The following MRC1 variants were observed in gnomAD, a reference collection of about 807,000 sequenced individuals.
MRC1 encodes the protein mannose receptor C-type 1.
MRC1 carries 62 observed loss-of-function variants against 102.9 expected under a neutral mutation model. The ratio of observed to expected loss-of-function variants is 0.60; its 90% confidence interval spans 0.49 to 0.74. MRC1 has a LOEUF of 0.74. MRC1 is among the 30% of genes least tolerant of loss of function. The pLI, the probability that MRC1 is intolerant of heterozygous loss-of-function variation, is 0.00. For missense variants in MRC1, 1,237 were observed against 862.8 expected (o/e 1.43, Z -5.43); for synonymous variants, 457 against 298.4 (o/e 1.53, Z -5.48).
chr10:17,908,504 G>C (rs1833926033), intron 28 of MRC1, among the ~76,000 whole-genome samples: 1 of 151,826 alleles, frequency 6.6e-6, no homozygotes, highest in Admixed American at 6.6e-5. Context: ...GGGTCTTTAG[G>C]CTTCTCTAAC....
chr10:17,855,432 G>A (rs1466186687), intron 8 of MRC1, among the ~76,000 whole-genome samples: 2 of 151,868 alleles, frequency 1.3e-5, no homozygotes, highest in Non-Finnish European at 2.9e-5. Flanking sequence ...TTAGCAGGGC[G>A]TGGTGGCAGG....
chr10:17,847,259 G>C (rs967200948), intron 6 of MRC1, among the ~76,000 whole-genome samples: 23 of 152,296 alleles, frequency 1.5e-4, no homozygotes, highest in Non-Finnish European at 8.8e-5. Flanking sequence ...CTCTGGTACA[G>C]CACTCAGAAT....
intron 22 of MRC1, among the ~76,000 whole-genome samples, chr10:17,891,189 T>C (rs1200574847): frequency 2.7e-5 from 4 of 148,894 alleles, no homozygotes; most frequent in Admixed American, 6.7e-5. Flanking sequence ...ATTTTTGAGA[T>C]GGAGTCTCAC....
At chr10:17,906,199 G>A (rs1833892603) in intron 26 of MRC1, among the ~76,000 whole-genome samples, 1 of 151,280 alleles carries the variant, frequency 6.6e-6, no homozygotes, top group Non-Finnish European at 1.5e-5. Flanking sequence ...ATGGGTTATT[G>A]CATCATTCAG....
At chr10:17,848,903 C>T (rs951819044) in intron 6 of MRC1, among the ~76,000 whole-genome samples, 4 of 152,082 alleles carry the variant, frequency 2.6e-5, no homozygotes, top group Non-Finnish European at 4.4e-5. Context: ...CGTTTGTCCC[C>T]CAGCCATTCC....
rs1288787238 is a variant in MRC1 at position 17,849,560 on chromosome 10, C to CT, written c.1064-19_1064-18insT. 2.4e-5 allele frequency: 15 copies of CT among 629,018 alleles called. No homozygotes were observed. Among genetic ancestry groups the CT allele is most frequent in the African/African-American group, 1.6e-4 (3 of 18,754 alleles). The allele number at this position is 629,018 out of a possible 1,614,324, so 39.0% of individuals were successfully genotyped here. A position where few individuals can be genotyped will look rare whatever the true frequency, so the allele number is the denominator to read the frequency against. On this transcript the variant is annotated intron_variant, in intron 6 of 29. Transcript: ENST00000569591. ...CAAATCTTTTAAAATTTTTTTCCGA[C>CT]CCCCCTTTTTGTTTCTAGAAAGTGA... is the stretch of plus-strand genomic sequence containing the variant.
intron 18 of MRC1, 33 bp from the exon 19 acceptor site, chr10:17,879,688 A>G (rs1833486836): frequency 2.6e-6 from 2 of 780,686 alleles, no homozygotes; most frequent in African/African-American, 1.7e-5. Flanking sequence ...TAATGATTGG[A>G]TCGTTTCAAA....
chr10:17,870,703 T>C, intron 13 of MRC1, 145 bp from the exon 14 acceptor site: 1 of 757,796 alleles, frequency 1.3e-6, no homozygotes, highest in Non-Finnish European at 2.4e-6. Flanking sequence ...ATTGCATAAG[T>C]CTTCTATTTA....
At chr10:17,907,512 A>G (rs1833911820) in intron 27 of MRC1, 22 bp from the exon 28 acceptor site, 6 of 780,528 alleles carry the variant, frequency 7.7e-6, no homozygotes, top group South Asian at 6.7e-5. Context: ...TTTTGTCTTT[A>G]TTGGTTTTAT....
At position 17,879,796 on chromosome 10, in the gene MRC1, CTG is replaced by C; in HGVS notation, c.2699_2700del (p.Val900AspfsTer11). 2 of 780,890 alleles carry C rather than the reference CTG, an allele frequency of 2.6e-6. No homozygotes were observed. Among genetic ancestry groups the C allele is most frequent in the South Asian group, 1.3e-5 (1 of 74,622 alleles). 48.4% of individuals were successfully genotyped at this position (780,890 alleles called of 1,614,324 possible). On this transcript the variant is annotated frameshift_variant, in exon 19 of 30. Transcript: ENST00000569591. LOFTEE classifies it high-confidence loss of function. Reference sequence around the variant, plus strand: ...CCAATTTTGCAAATGAAGATGAAAACTGTGTGACCATGTATTCAAATTCAGGT... The same window carrying C: ...CCAATTTTGCAAATGAAGATGAAAACTGTGACCATGTATTCAAATTCAGGT... ...EPNFANEDEN[C>X]VTMYSNSGFW...
chr10:17,843,847 T>C (rs1323301870), intron 5 of MRC1, among the ~76,000 whole-genome samples: 2 of 152,164 alleles, frequency 1.3e-5, no homozygotes, highest in Non-Finnish European at 1.5e-5. Flanking sequence ...GATTTCCGTC[T>C]TGCAGGAAAG....
rs1554839227 is a variant in MRC1, at chr10:17,833,680, G to A, written c.643G>A (p.Gly215Ser). The A allele has an allele frequency of 1.3e-6, 1 of 780,976 alleles. No individual in the cohort carries two copies. The highest frequency in any genetic ancestry group is 1.3e-5 in the South Asian group (1 of 74,610). 48.4% of individuals were successfully genotyped at this position (780,976 alleles called of 1,614,324 possible). Reference protein sequence around the residue: ...LFGYCPLKFEGSESLWNKDPL... With the variant: ...LFGYCPLKFESSESLWNKDPL... ...CCATCTGATTTCTTTCACAGTTGAGGGCAGTGAAAGCTTATGGAATAAAGA... is the reference window on the plus strand; with the variant it reads ...CCATCTGATTTCTTTCACAGTTGAGAGCAGTGAAAGCTTATGGAATAAAGA... Residue 215 changes from glycine (G) to serine (S), a missense_variant, in exon 4 of 30, where the codon GGC becomes AGC. Physicochemically the swap from Gly to Ser is moderately conservative, Grantham distance 56 (BLOSUM62 0). Transcript: ENST00000569591.
chr10:17,909,107 G>C (rs1833934905), intron 28 of MRC1, among the ~76,000 whole-genome samples, 199 bp from the exon 29 acceptor site: 1 of 152,100 alleles, frequency 6.6e-6, no homozygotes, highest in African/African-American at 2.4e-5. Flanking sequence ...ACAGATAGAT[G>C]ATAGGTAGGT....
chr10:17,866,338 G>A (rs892626924), intron 11 of MRC1, among the ~76,000 whole-genome samples: 66,290 of 141,734 alleles, frequency 0.47, 15,318 homozygotes, highest in East Asian at 0.61. Context: ...AACTATTTTT[G>A]CCATTATGGT....
At chr10:17,903,851 G>C (rs1287406042) in intron 26 of MRC1, among the ~76,000 whole-genome samples, 1 of 152,012 alleles carries the variant, frequency 6.6e-6, no homozygotes, top group African/African-American at 2.4e-5. Flanking sequence ...AGCTACTTGG[G>C]AAGCTGAAAC....
intron 14 of MRC1, among the ~76,000 whole-genome samples, chr10:17,871,320 G>A (rs1447763574): frequency 6.6e-6 from 1 of 152,154 alleles, no homozygotes; most frequent in East Asian, 1.9e-4. Flanking sequence ...AACTTTTCAA[G>A]GAACTTGAGT....
intron 23 of MRC1, among the ~76,000 whole-genome samples, chr10:17,894,915 G>A (rs1833734434): frequency 6.6e-6 from 1 of 152,112 alleles, no homozygotes; most frequent in East Asian, 1.9e-4. Flanking sequence ...GCTCATGCCT[G>A]TAATCCCAGC....
At chr10:17,877,605 A>G (rs977332087) in intron 17 of MRC1, among the ~76,000 whole-genome samples, 8 of 152,120 alleles carry the variant, frequency 5.3e-5, no homozygotes, top group Non-Finnish European at 7.4e-5. Flanking sequence ...CCATAATGTT[A>G]AATGCCTACA....
Position 17,849,707 on chromosome 10 carries a change from C to T in MRC1, c.1192C>T (p.Leu398Phe). The T allele has an allele frequency of 1.3e-6, 1 of 780,926 alleles. No individual in the cohort carries two copies. Among genetic ancestry groups the T allele is most frequent in the Non-Finnish European group, 2.4e-6 (1 of 418,094 alleles). The allele number at this position is 780,926 out of a possible 1,614,324, so 48.4% of individuals were successfully genotyped here. The change falls in exon 7 of 30, where the codon CTC (leucine) becomes TTC (phenylalanine). Residue 398 changes from leucine to phenylalanine, a missense_variant. By Grantham distance (22) the Leu-to-Phe change is conservative. Transcript: ENST00000569591. Reference protein sequence around the residue: ...LTTCRKEGGDLTSIHTIEELD... With the variant: ...LTTCRKEGGDFTSIHTIEELD... ...CACCTGCAGGAAGGAAGGCGGTGAC[C>T]TCACAAGTATCCACACCATCGAGGA...
Sources: gnomAD v4.1 joint callset for allele counts (sites outside exome capture counted in the v4.1 genomes callset) on GRCh38, gnomAD v4.1.1 for gene constraint, MANE v1.5 for transcripts, NCBI Gene and HGNC (gene_info 2026-07-23, HGNC 2026-07-21) for gene names.